Variants in STK32B observed in about 807,000 individuals in gnomAD.
STK32B encodes the protein serine/threonine-protein kinase 32B.
STK32B carries 43 observed loss-of-function variants against 52.6 expected under a neutral mutation model. That is an observed-to-expected ratio of 0.82 (90% confidence interval 0.64 to 1.05). STK32B has a LOEUF of 1.05. STK32B is among the 50% of genes least tolerant of loss of function. The pLI is 0.00. For synonymous variants in STK32B, 238 were observed against 204.3 expected, an observed-to-expected ratio of 1.17 and a Z score of -1.41; for missense variants, 621 against 534.6, an observed-to-expected ratio of 1.16 and a Z score of -1.59.
chr4:5,245,613 T>G (rs976000603), intron 3 of STK32B, among the ~76,000 whole-genome samples: 2 of 152,160 alleles, frequency 1.3e-5, no homozygotes, highest in African/African-American at 4.8e-5. Context: ...GATCCTGTCA[T>G]TATGATGTTA....
At chr4:5,236,303 ACT>A (rs909333742) in intron 3 of STK32B, among the ~76,000 whole-genome samples, 2 of 151,456 alleles carry the variant, frequency 1.3e-5, no homozygotes, top group Non-Finnish European at 1.5e-5. Context: ...CCCCTCCAAG[ACT>A]CTCCTTTTCC....
intron 5 of STK32B, among the ~76,000 whole-genome samples, chr4:5,409,982 A>G (rs937968738): frequency 2.0e-5 from 3 of 152,196 alleles, no homozygotes; most frequent in African/African-American, 7.2e-5. Context: ...AGCTAGTGCC[A>G]TGGAATTTGA....
rs28774988 is a variant in STK32B, at chr4:5,241,176, C to T, written c.260+72726C>T. Among the ~76,000 whole-genome samples, 1,057 of 152,074 alleles carry T rather than the reference C, an allele frequency of 7.0e-3. 17 individuals are homozygous for T. The East Asian group carries it at 0.075, about 11-fold the overall frequency. ...TATCTGTGGCAATCCCAGCTTGTTC[C>T]TGATGTACTATTTTTGTCTGCACTG... is the stretch of plus-strand genomic sequence containing the variant. On this transcript the variant is annotated intron_variant, in intron 3 of 11. Coordinates refer to ENST00000282908, the MANE Select transcript of STK32B (RefSeq NM_018401.3).
In STK32B at chr4:5,289,465, C is replaced by T. The variant is rs190017986; in HGVS notation, c.261-41755C>T. Among the ~76,000 whole-genome samples, 1,456 of 151,940 alleles carry T rather than the reference C, an allele frequency of 9.6e-3. 19 individuals are homozygous for T. The highest frequency in any genetic ancestry group is 0.033 in the African/African-American group (1,377 of 41,444). On this transcript the variant is annotated intron_variant, in intron 3 of 11. Transcript: ENST00000282908. ...TTTATTTTATTCTTTTTTTTTGAGA[C>T]GGAGTCTCGCTGTCTCCCAGCCAAT... is the stretch of plus-strand genomic sequence containing the variant.
chr4:5,319,538 T>G lies in STK32B; in HGVS notation c.261-11682T>G, dbSNP rs544945576. 2.0e-5 allele frequency among the ~76,000 whole-genome samples: 3 copies of G among 150,640 alleles called. No homozygotes were observed. In the East Asian group the frequency reaches 5.8e-4, roughly 29 times the overall value. ...ACAAAGCCCTTCTTGAAGAGTCTTC[T>G]CCTCACTCCCATCTTACCCCTCTCC... On this transcript the variant is annotated intron_variant, in intron 3 of 11. Transcript: ENST00000282908.
intron 1 of STK32B, among the ~76,000 whole-genome samples, chr4:5,132,990 G>C (rs1354472199): frequency 6.6e-6 from 1 of 151,852 alleles, no homozygotes; most frequent in African/African-American, 2.4e-5. Context: ...GGAGAGATGG[G>C]GTTTTGCCAT....
In STK32B at chr4:5,076,212, C is replaced by T. The variant is rs1269296511; in HGVS notation, c.52+24297C>T. Reference sequence around the variant, plus strand: ...TGTGCTGACGAAGAGTCGATGGCATCCATGTGAATGTAGAGTACGACTAAG... The same window carrying T: ...TGTGCTGACGAAGAGTCGATGGCATTCATGTGAATGTAGAGTACGACTAAG... On this transcript the variant is annotated intron_variant, in intron 1 of 11. Transcript: ENST00000282908. Among the ~76,000 whole-genome samples, 4 of 152,118 alleles carry T rather than the reference C, an allele frequency of 2.6e-5. No individual in the cohort carries two copies. The South Asian group carries it at 8.3e-4, about 32-fold the overall frequency.
intron 3 of STK32B, among the ~76,000 whole-genome samples, chr4:5,219,105 G>A (rs140256129): frequency 2.5e-3 from 388 of 152,342 alleles, no homozygotes; most frequent in Non-Finnish European, 3.6e-3. Flanking sequence ...TGAATGCTGC[G>A]TCTTTTTTCT....
At chr4:5,471,147 G>A (rs1349892698) in intron 11 of STK32B, among the ~76,000 whole-genome samples, 2 of 152,234 alleles carry the variant, frequency 1.3e-5, no homozygotes, top group Non-Finnish European at 2.9e-5. Context: ...AGAATTGTCT[G>A]AGGGCCTGTT....
intron 4 of STK32B, among the ~76,000 whole-genome samples, chr4:5,361,993 T>C (rs1471166748): frequency 2.0e-5 from 3 of 152,248 alleles, no homozygotes; most frequent in Non-Finnish European, 2.9e-5. Flanking sequence ...GCTTCCTTTT[T>C]TCACCACCAT....
chr4:5,497,987 A>G (rs1720434497), intron 11 of STK32B, among the ~76,000 whole-genome samples: 1 of 152,170 alleles, frequency 6.6e-6, no homozygotes, highest in African/African-American at 2.4e-5. Context: ...GCCCTATACT[A>G]GATATTTTAC....
intron 3 of STK32B, among the ~76,000 whole-genome samples, chr4:5,268,531 TTGGTG>T (rs1290155229): frequency 2.1e-5 from 3 of 143,440 alleles, no homozygotes; most frequent in East Asian, 2.1e-4. Context: ...TTGAAGTTGC[TTGGTG>T]TGGTGTGTGT....
intron 1 of STK32B, among the ~76,000 whole-genome samples, chr4:5,087,420 T>C (rs1712792669): frequency 6.6e-6 from 1 of 151,684 alleles, no homozygotes; most frequent in Non-Finnish European, 1.5e-5. Flanking sequence ...AGAAAGCAAA[T>C]AAAATAGCAA....
chr4:5,372,726 G>GT (rs1735333601), intron 4 of STK32B, among the ~76,000 whole-genome samples: 1 of 150,306 alleles, frequency 6.7e-6, no homozygotes, highest in Non-Finnish European at 1.5e-5. Context: ...AAGTTGGGGG[G>GT]GGGGGCGGTT....
chr4:5,060,125 C>T (rs1026187682), intron 1 of STK32B, among the ~76,000 whole-genome samples: 1 of 152,144 alleles, frequency 6.6e-6, no homozygotes. Context: ...TGCCCCTACG[C>T]CCGGCTAATT....
intron 1 of STK32B, among the ~76,000 whole-genome samples, chr4:5,105,171 T>G (rs1314466387): frequency 6.6e-6 from 1 of 152,138 alleles, no homozygotes; most frequent in Non-Finnish European, 1.5e-5. Flanking sequence ...ACATTTTCTA[T>G]CATTAATGAT....
At chr4:5,382,937 C>T (rs1736023280) in intron 4 of STK32B, among the ~76,000 whole-genome samples, 1 of 152,210 alleles carries the variant, frequency 6.6e-6, no homozygotes, top group Non-Finnish European at 1.5e-5. Context: ...ACAGCCAGGG[C>T]TCTCTGACTC....
At chr4:5,341,013 G>T (rs1733037775) in intron 4 of STK32B, among the ~76,000 whole-genome samples, 1 of 152,170 alleles carries the variant, frequency 6.6e-6, no homozygotes, top group Non-Finnish European at 1.5e-5. Context: ...TTTGAAACAA[G>T]GCGTTCAAAT....
intron 3 of STK32B, among the ~76,000 whole-genome samples, chr4:5,249,320 C>T (rs138944765): frequency 1.2e-4 from 19 of 152,216 alleles, no homozygotes; most frequent in African/African-American, 4.6e-4. Flanking sequence ...ATTAAGGTCA[C>T]ACAACTAAGA....
Sources: allele counts gnomAD v4.1 joint callset (sites outside exome capture counted in the v4.1 genomes callset), GRCh38; gene constraint gnomAD v4.1.1; transcripts MANE v1.5; gene names NCBI Gene and HGNC (gene_info 2026-07-23, HGNC 2026-07-21).